C10orf143: variants seen among roughly 807,000 people sequenced by gnomAD.
C10orf143 encodes the protein uncharacterized protein C10orf143.
At chr10:130,058,617 G>A (rs1328194446) in intron 3 of C10orf143, among the ~76,000 whole-genome samples, 1 of 145,690 alleles carries the variant, frequency 6.9e-6, no homozygotes, top group East Asian at 2.0e-4. Context: ...TGGTATAACA[G>A]TTACACATAG....
intron 1 of C10orf143, among the ~76,000 whole-genome samples, chr10:130,084,606 A>C (rs1057153215): frequency 1.3e-5 from 2 of 151,838 alleles, no homozygotes; most frequent in Admixed American, 1.3e-4. Context: ...GAGATATAGA[A>C]ATATATAAAG....
intron 3 of C10orf143, among the ~76,000 whole-genome samples, chr10:130,048,210 G>A (rs1860698643): frequency 6.6e-6 from 1 of 152,174 alleles, no homozygotes; most frequent in Non-Finnish European, 1.5e-5. Context: ...ACGGCTGTCT[G>A]GGGGTCAGCT....
At chr10:130,045,061 G>A (rs1860651538) in intron 3 of C10orf143, among the ~76,000 whole-genome samples, 1 of 152,158 alleles carries the variant, frequency 6.6e-6, no homozygotes, top group African/African-American at 2.4e-5. Context: ...CGTCCCCTCT[G>A]TTCTCTGGGG....
Position 130,064,224 on chromosome 10 carries a change from C to G in C10orf143, c.*130G>C, listed in dbSNP as rs969737117. 2.5e-6 allele frequency: 1 copy of G among 394,136 alleles called. No homozygotes were observed. Among genetic ancestry groups the G allele is most frequent in the African/African-American group, 2.1e-5 (1 of 48,484 alleles). The allele number at this position is 394,136 out of a possible 1,614,324, so 24.4% of individuals were successfully genotyped here. On this transcript the variant is annotated 3_prime_UTR_variant, in exon 4 of 4. Coordinates refer to ENST00000637128, the MANE Select transcript of C10orf143 (RefSeq NM_001355042.2). Reference sequence around the variant, plus strand: ...GAAAGGACAGACAAACCTCCCCCCACCCACAGAGGACACCGGGCTGCTATT... The same window carrying G: ...GAAAGGACAGACAAACCTCCCCCCAGCCACAGAGGACACCGGGCTGCTATT...
At chr10:130,077,192 G>A (rs1861132099) in intron 3 of C10orf143, among the ~76,000 whole-genome samples, 1 of 152,040 alleles carries the variant, frequency 6.6e-6, no homozygotes, top group Non-Finnish European at 1.5e-5. Context: ...ATGCAAACTT[G>A]GAAAATGAGG....
chr10:130,069,485 G>A (rs1860995191), intron 3 of C10orf143, among the ~76,000 whole-genome samples: 1 of 152,176 alleles, frequency 6.6e-6, no homozygotes, highest in Non-Finnish European at 1.5e-5. Flanking sequence ...GCAACCATGT[G>A]AATGGAGTTT....
At chr10:130,093,527 T>G (rs950980668) in intron 1 of C10orf143, among the ~76,000 whole-genome samples, 4 of 151,906 alleles carry the variant, frequency 2.6e-5, no homozygotes, top group African/African-American at 9.7e-5. Flanking sequence ...AGCAAACACA[T>G]TCAGAAGCTA....
At chr10:130,046,731 A>G (rs1038529595) in intron 3 of C10orf143, among the ~76,000 whole-genome samples, 3 of 152,206 alleles carry the variant, frequency 2.0e-5, no homozygotes, top group East Asian at 1.9e-4. Flanking sequence ...GCCTTGGGCC[A>G]TGCACCTGAG....
chr10:130,048,500 C>A (rs1041963552), intron 3 of C10orf143, among the ~76,000 whole-genome samples: 1 of 152,158 alleles, frequency 6.6e-6, no homozygotes, highest in Non-Finnish European at 1.5e-5. Context: ...AGGGTCCCTG[C>A]AAGTCCCCAA....
At chr10:130,063,241 G>A (rs72843828), downstream of C10orf143, among the ~76,000 whole-genome samples, 23,343 of 152,182 alleles carry the variant, frequency 0.15, 2,405 homozygotes, top group Non-Finnish European at 0.22. Context: ...GAACGAGGGT[G>A]AGAAGGAAGA....
At chr10:130,050,390 C>G (rs917307258) in intron 3 of C10orf143, among the ~76,000 whole-genome samples, 2 of 152,228 alleles carry the variant, frequency 1.3e-5, no homozygotes, top group African/African-American at 4.8e-5. Context: ...AGCAACATGG[C>G]TGAACAACAA....
rs145942140 is a variant in C10orf143 at position 130,046,824 on chromosome 10, C to A, written c.298-10854G>T. On this transcript the variant is annotated intron_variant and NMD_transcript_variant, in intron 3 of 5. Transcript: ENST00000643056. The stretch of plus-strand genomic sequence containing the variant: ...GCGTCTATGCAGCGCCTAGGCCTAA[C>A]TCTCCCAGGAGGCGCCAGTCACGTT... 3.3e-5 allele frequency among the ~76,000 whole-genome samples: 5 copies of A among 152,366 alleles called. No individual in the cohort carries two copies. The East Asian group carries it at 9.7e-4, about 29-fold the overall frequency.
chr10:130,090,081 T>C (rs1229688125), intron 1 of C10orf143, among the ~76,000 whole-genome samples: 1 of 152,076 alleles, frequency 6.6e-6, no homozygotes, highest in Non-Finnish European at 1.5e-5. Context: ...TATTCAAAGG[T>C]TTGGGGCTTC....
At chr10:130,078,823 G>T (rs1192911714) in intron 3 of C10orf143, among the ~76,000 whole-genome samples, 3 of 151,972 alleles carry the variant, frequency 2.0e-5, no homozygotes, top group African/African-American at 4.8e-5. Context: ...TTTCTCTAAA[G>T]ATCTTTAGGG....
At chr10:130,058,480 A>G (rs1001609065) in intron 3 of C10orf143, among the ~76,000 whole-genome samples, 1 of 152,168 alleles carries the variant, frequency 6.6e-6, no homozygotes, top group Non-Finnish European at 1.5e-5. Context: ...CAGCCACACA[A>G]AACAAAACAA....
At chr10:130,063,014 C>A (rs1193962662), downstream of C10orf143, among the ~76,000 whole-genome samples, 6 of 152,154 alleles carry the variant, frequency 3.9e-5, no homozygotes, top group Non-Finnish European at 8.8e-5. Context: ...TCCAAGAAGT[C>A]TAAGGACTCA....
At chr10:130,079,081 C>T (rs1021549256) in intron 3 of C10orf143, among the ~76,000 whole-genome samples, 1 of 152,026 alleles carries the variant, frequency 6.6e-6, no homozygotes, top group East Asian at 1.9e-4. Flanking sequence ...GAGAATCTGA[C>T]TCTGGCAGTT....
intron 3 of C10orf143, among the ~76,000 whole-genome samples, chr10:130,076,878 G>C (rs1226745608): frequency 6.6e-6 from 1 of 152,114 alleles, no homozygotes; most frequent in African/African-American, 2.4e-5. Context: ...TAGCCATGGC[G>C]ATCATCCTCT....
chr10:130,071,759 C>G (rs547736048), intron 3 of C10orf143, among the ~76,000 whole-genome samples: 97 of 152,288 alleles, frequency 6.4e-4, no homozygotes, highest in Non-Finnish European at 8.2e-4. Context: ...TCCCGAGTAG[C>G]TGGGACTACA....
Sources: allele counts gnomAD v4.1 joint callset (sites outside exome capture counted in the v4.1 genomes callset), GRCh38; gene constraint gnomAD v4.1.1; transcripts MANE v1.5; gene names NCBI Gene and HGNC (gene_info 2026-07-23, HGNC 2026-07-21).